PRKN: variants seen among roughly 807,000 people sequenced by gnomAD.
PRKN encodes the protein parkin RBR E3 ubiquitin protein ligase.
Under a neutral mutation model 59.5 loss-of-function variants are expected in PRKN, and 56 were observed. The ratio of observed to expected loss-of-function variants is 0.94; its 90% CI spans 0.76 to 1.18. The LOEUF is 1.18. Ranked by LOEUF, PRKN falls within the 50% of genes most tolerant of loss-of-function variation. The pLI is 0.00. For missense variants in PRKN, 657 were observed against 596.4 expected (o/e 1.10, Z -1.06); for synonymous variants, 250 against 222.1 (o/e 1.13, Z -1.12).
intron 1 of PRKN, among the ~76,000 whole-genome samples, chr6:162,574,421 T>C (rs1339177332): frequency 6.6e-6 from 1 of 152,200 alleles, no homozygotes; most frequent in Non-Finnish European, 1.5e-5. Flanking sequence ...CCCAGTTACA[T>C]TTACATCATG....
At chr6:161,988,448 T>G (rs963613431) in intron 5 of PRKN, among the ~76,000 whole-genome samples, 1 of 151,922 alleles carries the variant, frequency 6.6e-6, no homozygotes, top group Non-Finnish European at 1.5e-5. Context: ...GATCCCGCAC[T>G]GCACTCCAGC....
rs3016569 is a variant in PRKN at position 161,967,022 on chromosome 6, G to A, written c.734+6280C>T. 3.9e-3 allele frequency among the ~76,000 whole-genome samples: 601 copies of A among 152,234 alleles called. 20 individuals carry two copies. In the East Asian group the frequency reaches 0.088, roughly 22 times the overall value. On this transcript the variant is annotated intron_variant, in intron 6 of 11. Coordinates refer to ENST00000366898, the MANE Select transcript of PRKN (RefSeq NM_004562.3). ...AATTTTTGTATTTTTAGTAGAGATG[G>A]GGTTTCACTATGTTGGCCAGGCTGG...
chr6:162,324,521 G>A (rs1424506365), intron 2 of PRKN, among the ~76,000 whole-genome samples: 2 of 152,090 alleles, frequency 1.3e-5, no homozygotes, highest in East Asian at 3.9e-4. Context: ...TAGAATACAG[G>A]TAGACAAGGA....
At chr6:161,710,575 ACAT>A (rs1786696025) in intron 7 of PRKN, among the ~76,000 whole-genome samples, 1 of 152,112 alleles carries the variant, frequency 6.6e-6, no homozygotes, top group Non-Finnish European at 1.5e-5. Flanking sequence ...AGGCATTTAA[ACAT>A]CATAAGAATG....
At chr6:161,874,329 C>T (rs192257550) in intron 6 of PRKN, among the ~76,000 whole-genome samples, 121 of 57,302 alleles carry the variant, frequency 2.1e-3, no homozygotes, top group Non-Finnish European at 2.8e-3. Flanking sequence ...ATATATATTA[C>T]ATGTAAAATA....
At chr6:162,672,685 A>AGTGTGTGTGTGTGTGT (rs56722608) in intron 1 of PRKN, among the ~76,000 whole-genome samples, 67 of 149,170 alleles carry the variant, frequency 4.5e-4, no homozygotes, top group Non-Finnish European at 8.0e-4. Context: ...TTGGGGGAAA[A>AGTGTGTGTGTGTGTGT]GTGTGTGTGT....
Position 161,442,130 on chromosome 6 carries a change from C to T in PRKN, c.1084-55253G>A, listed in dbSNP as rs1789265780. 6.6e-6 allele frequency among the ~76,000 whole-genome samples: 1 copy of T among 152,182 alleles called. No homozygotes were observed. The highest frequency in any genetic ancestry group is 6.5e-5 in the Admixed American group (1 of 15,278). The stretch of plus-strand genomic sequence containing the variant: ...AATAAACATACATGTGCCAAGCTGG[C>T]TCTGAATTATTTAAAATTACAGCAG... On this transcript the variant is annotated intron_variant, in intron 9 of 11. Transcript: ENST00000366898. The surrounding 1 kb of genome is among the most constrained non-coding windows in gnomAD (Gnocchi z 4.6).
chr6:162,397,941 G>C (rs1453320302), intron 2 of PRKN, among the ~76,000 whole-genome samples: 3 of 151,294 alleles, frequency 2.0e-5, no homozygotes, highest in African/African-American at 4.9e-5. Flanking sequence ...GGAGGCTGAG[G>C]CCTGAGAACC....
At chr6:162,643,010 A>T (rs1161490986) in intron 1 of PRKN, among the ~76,000 whole-genome samples, 3 of 152,148 alleles carry the variant, frequency 2.0e-5, no homozygotes, top group Non-Finnish European at 4.4e-5. Flanking sequence ...ATCCTTATCT[A>T]TTTTATTTTC....
At chr6:162,318,035 A>C (rs1782824440) in intron 2 of PRKN, among the ~76,000 whole-genome samples, 2 of 151,998 alleles carry the variant, frequency 1.3e-5, no homozygotes, top group South Asian at 4.1e-4. Flanking sequence ...TAATTTTCCC[A>C]AACTAAAACT....
Position 162,554,316 on chromosome 6 carries a change from C to G in PRKN, c.8-110843G>C, listed in dbSNP as rs184414912. ...GTCGGGAGTTCATGACCAGCCTGAC[C>G]AACATCGAGAAACCCCATTTCTACT... is the stretch of plus-strand genomic sequence containing the variant. On this transcript the variant is annotated intron_variant, in intron 1 of 11. Transcript: ENST00000366898. Among the ~76,000 whole-genome samples the G allele has an allele frequency of 4.8e-3, 738 of 152,196 alleles. 18 individuals carry two copies. The highest frequency in any genetic ancestry group is 0.042 in the Admixed American group (645 of 15,284).
At chr6:162,461,028 A>G (rs1791129126) in intron 1 of PRKN, among the ~76,000 whole-genome samples, 1 of 152,168 alleles carries the variant, frequency 6.6e-6, no homozygotes, top group South Asian at 2.1e-4. Flanking sequence ...CTTACTGTCA[A>G]CAAATATTTA....
chr6:162,672,425 A>C (rs1321770016), intron 1 of PRKN, among the ~76,000 whole-genome samples: 1 of 152,208 alleles, frequency 6.6e-6, no homozygotes, highest in Non-Finnish European at 1.5e-5. Context: ...AAAAAAATAA[A>C]TGAACACTAG....
At chr6:162,147,070 G>A (rs1383645598) in intron 4 of PRKN, among the ~76,000 whole-genome samples, 2 of 150,010 alleles carry the variant, frequency 1.3e-5, no homozygotes, top group East Asian at 4.0e-4. Flanking sequence ...GCTGGGTCCG[G>A]TAGCTCAGGC....
In PRKN at chr6:161,451,308, A is replaced by G. The variant is rs73785923; in HGVS notation, c.1084-64431T>C. Among the ~76,000 whole-genome samples the G allele has an allele frequency of 1.3e-5, 2 of 151,970 alleles. No homozygotes were observed. The highest frequency in any genetic ancestry group is 4.8e-5 in the African/African-American group (2 of 41,346). On this transcript the variant is annotated intron_variant, in intron 9 of 11. Transcript: ENST00000366898. This position sits in a 1 kb window ranked among gnomAD's most constrained non-coding sequence, Gnocchi z 5.9. ...TTTCTTCAATGACTTCCACGAGAAG[A>G]CCTCTCTGGAGAGGTCTGAACATTG...
At chr6:162,604,714 T>TA (rs1781844097) in intron 1 of PRKN, among the ~76,000 whole-genome samples, 2 of 150,746 alleles carry the variant, frequency 1.3e-5, no homozygotes, top group Admixed American at 6.6e-5. Flanking sequence ...TTTTTTTTTT[T>TA]AACTTAGACC....
In PRKN at chr6:162,617,740, ATTT is replaced by A. The variant is rs1374747192; in HGVS notation, c.7+109919_7+109921del. 6.5e-5 allele frequency among the ~76,000 whole-genome samples: 9 copies of A among 139,272 alleles called. No individual in the cohort carries two copies. The South Asian group carries it at 6.7e-4, about 10-fold the overall frequency. The allele number at this position is 139,272 out of a possible 152,430, so 91.4% of individuals were successfully genotyped here. On this transcript the variant is annotated intron_variant, in intron 1 of 11. Coordinates refer to ENST00000366898, the MANE Select transcript of PRKN (RefSeq NM_004562.3). ...TGCCTGACTTATTTCACTTAGTATA[ATTT>A]TTATCTGAAAAATAATTTTTTTTTG...
chr6:162,335,477 T>C (rs1783800606), intron 2 of PRKN, among the ~76,000 whole-genome samples: 1 of 152,200 alleles, frequency 6.6e-6, no homozygotes. Context: ...TTTACCGTGG[T>C]CTTCTGGAAT....
chr6:162,486,082 T>G (rs965874679), intron 1 of PRKN, among the ~76,000 whole-genome samples: 4 of 152,304 alleles, frequency 2.6e-5, no homozygotes, highest in Admixed American at 6.5e-5. Context: ...TTTTGAAACG[T>G]GCATACACTT....
Sources: allele counts gnomAD v4.1 joint callset (sites outside exome capture counted in the v4.1 genomes callset), GRCh38; gene constraint gnomAD v4.1.1; non-coding constraint Gnocchi (gnomAD v3.1); transcripts MANE v1.5; gene names NCBI Gene and HGNC (gene_info 2026-07-23, HGNC 2026-07-21).